CHN1: variants seen among roughly 807,000 people sequenced by gnomAD.
The protein encoded by CHN1 is N-chimaerin.
In CHN1, 37 loss-of-function variants were observed where a neutral mutation model predicts 59.5. The observed-to-expected ratio is 0.62, with a 90% confidence interval of 0.48 to 0.82. The LOEUF is 0.82. Ranked by LOEUF, CHN1 falls within the 40% of genes least tolerant of loss-of-function variation. CHN1 has a pLI of 0.00. For synonymous variants in CHN1, 206 were observed against 200.4 expected, an observed-to-expected ratio of 1.03 and a Z score of -0.24; for missense variants, 469 against 571.0, an observed-to-expected ratio of 0.82 and a Z score of 1.82.
chr2:174,945,059 T>G, intron 2 of CHN1, 116 bp from the exon 3 acceptor site: 2 of 704,738 alleles, frequency 2.8e-6, no homozygotes, highest in South Asian at 2.0e-5. Flanking sequence ...ATAACCTTAT[T>G]TACTAAATTG....
chr2:174,835,231 T>C (rs918692968), intron 7 of CHN1, among the ~76,000 whole-genome samples: 1 of 152,250 alleles, frequency 6.6e-6, no homozygotes, highest in Admixed American at 6.5e-5. Flanking sequence ...TGAGCCATTG[T>C]AAGCCAGGGG....
intron 5 of CHN1, among the ~76,000 whole-genome samples, chr2:174,902,019 T>C (rs1180959766): frequency 6.6e-6 from 1 of 152,198 alleles, no homozygotes; most frequent in Non-Finnish European, 1.5e-5. Flanking sequence ...TATAAAGTCA[T>C]TTCTGTATAA....
At chr2:174,801,592 T>TA (rs1444637060) in intron 12 of CHN1, 115 bp downstream of exon 12, 1 of 701,112 alleles carries the variant, frequency 1.4e-6, no homozygotes, top group Non-Finnish European at 2.5e-6. Context: ...ACAATATAGC[T>TA]ATGCATTTAT....
Position 175,005,243 on chromosome 2 carries a change from G to A in CHN1, c.-331C>T. 2 of 1,177,708 alleles carry A rather than the reference G, an allele frequency of 1.7e-6. No individual in the cohort carries two copies. Among genetic ancestry groups the A allele is most frequent in the Non-Finnish European group, 2.1e-6 (2 of 951,096 alleles). The allele number at this position is 1,177,708 out of a possible 1,614,324, so 73.0% of individuals were successfully genotyped here. A position where few individuals can be genotyped will look rare whatever the true frequency, so the allele number is the denominator to read the frequency against. ...AGGCTTGGCCGCGGCGCAGTGGCTGGCGGAGAGGCGGCGCCGCACTGGCGG... is the reference window on the plus strand; with the variant it reads ...AGGCTTGGCCGCGGCGCAGTGGCTGACGGAGAGGCGGCGCCGCACTGGCGG... On this transcript the variant is annotated 5_prime_UTR_variant, in exon 1 of 13. Transcript: ENST00000409900.
At chr2:174,935,224 G>T (rs1689461917) in intron 3 of CHN1, among the ~76,000 whole-genome samples, 1 of 152,180 alleles carries the variant, frequency 6.6e-6, no homozygotes, top group South Asian at 2.1e-4. Flanking sequence ...ACTAAGTAAA[G>T]GTTGAGCTAC....
chr2:174,825,700 A>G lies in CHN1; in HGVS notation c.628-1182T>C, dbSNP rs141317961. Among the ~76,000 whole-genome samples the G allele has an allele frequency of 4.5e-3, 678 of 152,338 alleles. 6 individuals are homozygous for G. The highest frequency in any genetic ancestry group is 0.015 in the African/African-American group (639 of 41,588). On this transcript the variant is annotated intron_variant, in intron 7 of 12. Transcript: ENST00000409900. ...TGATTCCAACATATCTGCCAAAACC[A>G]CTACCATACATAATAAAATTCACAG...
At chr2:174,934,906 C>G (rs1689452453) in intron 3 of CHN1, among the ~76,000 whole-genome samples, 1 of 152,152 alleles carries the variant, frequency 6.6e-6, no homozygotes, top group Non-Finnish European at 1.5e-5. Flanking sequence ...CTTGTAGGTT[C>G]TTTTCACTTA....
At chr2:174,945,348 T>A in intron 2 of CHN1, 1 of 190,712 alleles carries the variant, frequency 5.2e-6, no homozygotes. Flanking sequence ...TCAAGATTTA[T>A]AGGCTAAATG....
intron 6 of CHN1, among the ~76,000 whole-genome samples, chr2:174,859,923 A>G (rs1171378462): frequency 6.6e-6 from 1 of 152,170 alleles, no homozygotes; most frequent in Non-Finnish European, 1.5e-5. Context: ...ACAGAGAAGT[A>G]AGGTCAGCCT....
intron 5 of CHN1, among the ~76,000 whole-genome samples, chr2:174,901,656 A>AC (rs1688392662): frequency 6.6e-6 from 1 of 152,194 alleles, no homozygotes; most frequent in African/African-American, 2.4e-5. Context: ...CTAGAAGGAT[A>AC]TTGCAATTTT....
chr2:174,826,782 A>T (rs1475706670), intron 7 of CHN1, among the ~76,000 whole-genome samples: 1 of 152,192 alleles, frequency 6.6e-6, no homozygotes, highest in African/African-American at 2.4e-5. Flanking sequence ...TGCTGAAGAG[A>T]GGATTTTAAC....
In CHN1 at chr2:174,885,292, AT is replaced by A. The variant is rs1364362796; in HGVS notation, c.261-7165del. Among the ~76,000 whole-genome samples the A allele has an allele frequency of 3.8e-3, 568 of 148,380 alleles. 4 individuals carry two copies. The highest frequency in any genetic ancestry group is 0.013 in the African/African-American group (523 of 39,404). On this transcript the variant is annotated intron_variant, in intron 5 of 12. Coordinates refer to ENST00000409900, the MANE Select transcript of CHN1 (RefSeq NM_001822.7). Reference sequence around the variant, plus strand: ...TCGGTCTCAAAAAAAAGAAAAAAAAATATATATATATAGAGAGAGAGAAATT... The same window carrying A: ...TCGGTCTCAAAAAAAAGAAAAAAAAAATATATATATAGAGAGAGAGAAATT...
intron 1 of CHN1, among the ~76,000 whole-genome samples, chr2:175,000,166 A>C (rs373008483): frequency 1.6e-5 from 2 of 125,564 alleles, no homozygotes; most frequent in African/African-American, 6.3e-5. Flanking sequence ...TTTGAGATGG[A>C]GTCTCACTCT....
chr2:174,816,600 T>C (rs1173241802), intron 8 of CHN1, among the ~76,000 whole-genome samples: 1 of 152,132 alleles, frequency 6.6e-6, no homozygotes, highest in Non-Finnish European at 1.5e-5. Context: ...TGGGATAATA[T>C]TGGAGGTTAA....
intron 5 of CHN1, among the ~76,000 whole-genome samples, chr2:174,903,116 T>C (rs1023790708): frequency 2.0e-5 from 3 of 152,184 alleles, no homozygotes; most frequent in African/African-American, 4.8e-5. Context: ...CCACAATAAA[T>C]TAAATAACAA....
At chr2:174,807,442 CTATCTGTGTGTGTGTGTG>C (rs1159190060) in intron 11 of CHN1, among the ~76,000 whole-genome samples, 18 of 114,196 alleles carry the variant, frequency 1.6e-4, no homozygotes, top group African/African-American at 5.5e-4. Flanking sequence ...TTTTCACGGG[CTATCTGTGTGTGTGTGTG>C]TGTGTGTGTG....
intron 1 of CHN1, among the ~76,000 whole-genome samples, chr2:174,995,827 T>G (rs1443145564): frequency 6.6e-6 from 1 of 152,160 alleles, no homozygotes; most frequent in Admixed American, 6.6e-5. Flanking sequence ...CCACTTAAAG[T>G]GCTTGTAAGT....
chr2:174,991,316 A>G (rs1459561188), intron 1 of CHN1, among the ~76,000 whole-genome samples: 1 of 152,050 alleles, frequency 6.6e-6, no homozygotes, highest in African/African-American at 2.4e-5. Context: ...AGAACCCATC[A>G]TTTTTCCTAC....
intron 3 of CHN1, among the ~76,000 whole-genome samples, chr2:174,943,557 C>CT (rs2105402785): frequency 6.6e-6 from 1 of 152,104 alleles, no homozygotes; most frequent in African/African-American, 2.4e-5. Context: ...TTTTCTTTAC[C>CT]TTTTTTGTTT....
Sources: allele counts gnomAD v4.1 joint callset (sites outside exome capture counted in the v4.1 genomes callset), GRCh38; gene constraint gnomAD v4.1.1; transcripts MANE v1.5; gene names NCBI Gene and HGNC (gene_info 2026-07-23, HGNC 2026-07-21).